The following OPCML variants were observed in gnomAD, a reference collection of about 807,000 sequenced individuals.
The protein encoded by OPCML is opioid binding protein/cell adhesion molecule like, also known as opioid-binding protein/cell adhesion molecule.
In OPCML, 13 loss-of-function variants were observed where a neutral mutation model predicts 37.8. The ratio of observed to expected loss-of-function variants is 0.34; its 90% CI spans 0.22 to 0.55. The LOEUF (loss-of-function observed/expected upper bound fraction) is 0.55. OPCML is among the 20% of genes least tolerant of loss of function. OPCML has a pLI of 0.91. For missense variants in OPCML, 341 were observed against 435.6 expected, an observed-to-expected ratio of 0.78 and a Z score of 1.93; for synonymous variants, 176 against 168.8, an observed-to-expected ratio of 1.04 and a Z score of -0.33.
At chr11:132,585,293 GA>G (rs370034362) in intron 3 of OPCML, among the ~76,000 whole-genome samples, 2 of 151,148 alleles carry the variant, frequency 1.3e-5, no homozygotes, top group East Asian at 3.9e-4. Flanking sequence ...ACAGACAACA[GA>G]AAAAAAATAC....
At chr11:133,186,955 G>A (rs1178973270) in intron 1 of OPCML, among the ~76,000 whole-genome samples, 1 of 152,084 alleles carries the variant, frequency 6.6e-6, no homozygotes, top group Admixed American at 6.5e-5. Flanking sequence ...TAGGAGGGAG[G>A]TCAAAGAGGC....
intron 1 of OPCML, among the ~76,000 whole-genome samples, chr11:133,049,590 A>G (rs1014010258): frequency 3.3e-5 from 5 of 152,258 alleles, no homozygotes; most frequent in Non-Finnish European, 2.9e-5. Context: ...CAGATGAGGA[A>G]ATGCTTGGAA....
At chr11:133,038,759 C>T (rs895614267) in intron 1 of OPCML, among the ~76,000 whole-genome samples, 1 of 150,234 alleles carries the variant, frequency 6.7e-6, no homozygotes, top group African/African-American at 2.5e-5. Context: ...TTTTAAAAAA[C>T]AAAAATTGGT....
In OPCML at chr11:132,529,199, A is replaced by G; in HGVS notation, c.380-13T>C. 1.3e-6 allele frequency: 2 copies of G among 1,597,626 alleles called. No individual in the cohort carries two copies. Among genetic ancestry groups the G allele is most frequent in the South Asian group, 1.1e-5 (1 of 87,388 alleles). ...ATCTGAGGAGGAACTGTAAGGAAAC[A>G]GGATAGAAGAAATACCTGAGAATAA... On this transcript the variant is annotated splice_polypyrimidine_tract_variant and intron_variant, in intron 3 of 7. Coordinates refer to ENST00000524381, the MANE Select transcript of OPCML (RefSeq NM_001012393.5).
chr11:133,192,870 CTTTTT>C (rs199872888), intron 1 of OPCML, among the ~76,000 whole-genome samples: 37 of 138,210 alleles, frequency 2.7e-4, no homozygotes, highest in Admixed American at 4.3e-4. Context: ...CTTTTCTTTT[CTTTTT>C]TTTTTTTTTC....
chr11:132,732,117 G>A lies in OPCML; in HGVS notation c.147-74798C>T, dbSNP rs141795939. 6.3e-3 allele frequency among the ~76,000 whole-genome samples: 959 copies of A among 152,308 alleles called. 8 individuals carry two copies. The highest frequency in any genetic ancestry group is 0.021 in the African/African-American group (892 of 41,578). ...GGGGATGTATGGTGAGACAGAGCAA[G>A]TGTTGGTGGGAGAATGTTTATAGGC... On this transcript the variant is annotated intron_variant, in intron 2 of 7. Transcript: ENST00000524381.
intron 4 of OPCML, among the ~76,000 whole-genome samples, chr11:132,479,683 C>T (rs909565312): frequency 3.3e-5 from 5 of 152,184 alleles, no homozygotes; most frequent in African/African-American, 7.2e-5. Flanking sequence ...GATCTGAGAA[C>T]AGGCAGACTG....
intron 3 of OPCML, among the ~76,000 whole-genome samples, chr11:132,638,835 C>T (rs1166545416): frequency 1.3e-5 from 2 of 152,202 alleles, no homozygotes; most frequent in Non-Finnish European, 2.9e-5. Context: ...AAACCCCTAA[C>T]CTCTAAGCCT....
At chr11:133,034,308 G>GGGGTGTGTGTGTGTGTGT (rs1555079919) in intron 1 of OPCML, among the ~76,000 whole-genome samples, 4 of 143,436 alleles carry the variant, frequency 2.8e-5, no homozygotes, top group African/African-American at 1.1e-4. Context: ...TGTATGTATA[G>GGGGTGTGTGTGTGTGTGT]GTGTGTGTGT....
intron 2 of OPCML, among the ~76,000 whole-genome samples, chr11:132,712,787 C>T (rs535122636): frequency 5.3e-5 from 8 of 152,284 alleles, no homozygotes; most frequent in Non-Finnish European, 1.0e-4. Flanking sequence ...AGCTCTGGCA[C>T]GGGGCAGCCT....
At chr11:133,145,037 G>A (rs1949878538) in intron 1 of OPCML, among the ~76,000 whole-genome samples, 1 of 152,220 alleles carries the variant, frequency 6.6e-6, no homozygotes, top group South Asian at 2.1e-4. Flanking sequence ...GAGTCTTCAG[G>A]TGGCATGTGG....
At chr11:133,083,920 A>G (rs1285719286) in intron 1 of OPCML, among the ~76,000 whole-genome samples, 1 of 152,308 alleles carries the variant, frequency 6.6e-6, no homozygotes, top group East Asian at 1.9e-4. Context: ...TCATTTGGCA[A>G]TTAATCATAT....
intron 2 of OPCML, among the ~76,000 whole-genome samples, chr11:132,659,828 C>G (rs1008858109): frequency 6.6e-6 from 1 of 152,070 alleles, no homozygotes; most frequent in Non-Finnish European, 1.5e-5. Context: ...AGTCATAACA[C>G]GTGCATTGTT....
chr11:133,254,994 A>G (rs1293417714), intron 1 of OPCML, among the ~76,000 whole-genome samples: 1 of 152,246 alleles, frequency 6.6e-6, no homozygotes, highest in African/African-American at 2.4e-5. Flanking sequence ...ATTCAAAGAC[A>G]TGCTAGGTTT....
In OPCML at chr11:132,577,194, T is replaced by C. The variant is rs4937711; in HGVS notation, c.380-48008A>G. Reference sequence around the variant, plus strand: ...ACAAAGGGAAATTGTCCATGAACTGTTGCTGAATTGGTGAGTTTGTCAGGA... The same window carrying C: ...ACAAAGGGAAATTGTCCATGAACTGCTGCTGAATTGGTGAGTTTGTCAGGA... On this transcript the variant is annotated intron_variant, in intron 3 of 7. Coordinates refer to ENST00000524381, the MANE Select transcript of OPCML (RefSeq NM_001012393.5). Among the ~76,000 whole-genome samples the C allele has an allele frequency of 1.7e-3, 258 of 152,284 alleles. 2 individuals carry two copies. Among genetic ancestry groups the C allele is most frequent in the East Asian group, 8.3e-3 (43 of 5,178 alleles).
At chr11:132,973,320 C>A (rs926357360) in intron 1 of OPCML, among the ~76,000 whole-genome samples, 2 of 152,176 alleles carry the variant, frequency 1.3e-5, no homozygotes, top group African/African-American at 4.8e-5. Context: ...ACATCCCATG[C>A]TTATACCACA....
At chr11:132,561,089 A>G (rs548747589) in intron 3 of OPCML, among the ~76,000 whole-genome samples, 67 of 152,256 alleles carry the variant, frequency 4.4e-4, no homozygotes, top group African/African-American at 1.6e-3. Context: ...GTCAATTTAG[A>G]CTTCTCCTAA....
intron 7 of OPCML, among the ~76,000 whole-genome samples, chr11:132,434,237 T>C (rs1335821531): frequency 2.0e-5 from 3 of 152,174 alleles, no homozygotes; most frequent in African/African-American, 7.2e-5. Context: ...TCTGTGAGTG[T>C]CTTGGATCAA....
At chr11:132,441,224 G>C (rs967759773) in intron 4 of OPCML, among the ~76,000 whole-genome samples, 1 of 128,218 alleles carries the variant, frequency 7.8e-6, no homozygotes, top group Non-Finnish European at 1.6e-5. Context: ...CTGGAGTGCA[G>C]TGGCGGGATC....
Sources: allele counts gnomAD v4.1 joint callset (sites outside exome capture counted in the v4.1 genomes callset), GRCh38; gene constraint gnomAD v4.1.1; transcripts MANE v1.5; gene names NCBI Gene and HGNC (gene_info 2026-07-23, HGNC 2026-07-21).